ARF5: variants seen among roughly 807,000 people sequenced by gnomAD.
ARF5 encodes ARF GTPase 5, also known as ADP-ribosylation factor 5.
In ARF5, 10 loss-of-function variants were observed where a neutral mutation model predicts 24.8. The observed-to-expected ratio is 0.40, with a 90% CI of 0.25 to 0.68. The LOEUF (loss-of-function observed/expected upper bound fraction) is 0.68. Ranked by LOEUF, ARF5 falls within the 30% of genes least tolerant of loss-of-function variation. The probability of loss-of-function intolerance (pLI) is 0.36; values close to 1 mark genes in which losing one functional copy is unlikely to be tolerated. For synonymous variants in ARF5, 102 were observed against 95.1 expected (o/e 1.07, Z -0.42); for missense variants, 135 against 239.2 (o/e 0.56, Z 2.87).
intron 1 of ARF5, 54 bp from the exon 2 acceptor site, chr7:127,589,029 C>G (rs1019377294): frequency 4.1e-5 from 66 of 1,595,966 alleles, no homozygotes; most frequent in Middle Eastern, 1.7e-4. Context: ...TTTCCCTGGT[C>G]TCTAGGGGGC....
chr7:127,590,831 A>C, intron 4 of ARF5, 132 bp from the exon 5 acceptor site: 3 of 1,224,038 alleles, frequency 2.5e-6, no homozygotes, highest in Non-Finnish European at 3.4e-6. Context: ...ATTTACAACT[A>C]TGTCTTGTCT....
At chr7:127,590,168 C>G in intron 4 of ARF5, 31 bp downstream of exon 4, 1 of 1,589,398 alleles carries the variant, frequency 6.3e-7, no homozygotes, top group African/African-American at 1.3e-5. Context: ...GAACTGAGCC[C>G]TCAGCTTGGG....
In ARF5 at chr7:127,589,677, C is replaced by A. The variant is rs979404198; in HGVS notation, c.258+83C>A. On this transcript the variant is annotated intron_variant, in intron 3 of 5. Transcript: ENST00000000233. ...AACAGAATTGTTGGCCTAGGCTGGG[C>A]CCCCAGGCCAAGGAAAAAACCCTTC... 10 of 1,165,008 alleles carry A rather than the reference C, an allele frequency of 8.6e-6. No individual in the cohort carries two copies. The African/African-American group carries it at 1.1e-4, about 13-fold the overall frequency. 72.2% of individuals were successfully genotyped at this position (1,165,008 alleles called of 1,614,324 possible).
chr7:127,588,518 C>T lies in ARF5; in HGVS notation c.20C>T (p.Ala7Val), dbSNP rs759843060. 6.8e-7 allele frequency: 1 copy of T among 1,469,004 alleles called. No homozygotes were observed. The highest frequency in any genetic ancestry group is 9.1e-7 in the Non-Finnish European group (1 of 1,100,210). 91.0% of individuals were successfully genotyped at this position (1,469,004 alleles called of 1,614,324 possible). The change falls in exon 1 of 6, where the codon GCG becomes GTG. Residue 7 changes from alanine to valine, a missense_variant. By Grantham distance (64) the Ala-to-Val change is moderately conservative. Around this residue, in one of 3 missense-constraint regions of ARF5, gnomAD observed 25 missense variants for 30.6 expected, o/e 0.82. Transcript: ENST00000000233. Reference sequence around the variant, plus strand: ...CCCGCCATGGGCCTCACCGTGTCCGCGCTCTTTTCGCGGATCTTCGGGAAG... The same window carrying T: ...CCCGCCATGGGCCTCACCGTGTCCGTGCTCTTTTCGCGGATCTTCGGGAAG... MGLTVS[A>V]LFSRIFGKKQ...
rs1004133152 is a variant in ARF5, at chr7:127,589,648, G to A, written c.258+54G>A. 12 of 1,431,786 alleles carry A rather than the reference G, an allele frequency of 8.4e-6. No individual in the cohort carries two copies. The African/African-American group carries it at 1.4e-4, about 17-fold the overall frequency. The allele number at this position is 1,431,786 out of a possible 1,614,324, so 88.7% of individuals were successfully genotyped here. ...CCCACGGGAAAAGGTGTTAGGGCTGGGAGAACAGAATTGTTGGCCTAGGCT... is the reference window on the plus strand; with the variant it reads ...CCCACGGGAAAAGGTGTTAGGGCTGAGAGAACAGAATTGTTGGCCTAGGCT... On this transcript the variant is annotated intron_variant, in intron 3 of 5. Transcript: ENST00000000233.
At position 127,591,207 on chromosome 7, in the gene ARF5, C is replaced by T. The variant is rs531878415; in HGVS notation, c.457-6C>T. ...TGCTGACCTCTTTCTTTCCTTTTCC[C>T]CACAGTGGTATGTCCAGGCCACCTG... On this transcript the variant is annotated splice_polypyrimidine_tract_variant and splice_region_variant and intron_variant, in intron 5 of 5. Coordinates refer to ENST00000000233, the MANE Select transcript of ARF5 (RefSeq NM_001662.4). The T allele has an allele frequency of 1.2e-6, 2 of 1,607,554 alleles. No homozygotes were observed. Among genetic ancestry groups the T allele is most frequent in the African/African-American group, 1.3e-5 (1 of 74,494 alleles).
At chr7:127,589,435 G>A in intron 2 of ARF5, 50 bp from the exon 3 acceptor site, 1 of 1,464,708 alleles carries the variant, frequency 6.8e-7, no homozygotes, top group Admixed American at 1.7e-5. Context: ...GTTTTAGTGA[G>A]TTCCTTTCTT....
At chr7:127,588,611 G>GCGCAGCCCTTCCGCCCCCGC (rs1794239227) in intron 1 of ARF5, 46 bp downstream of exon 1, 1 of 1,301,704 alleles carries the variant, frequency 7.7e-7, no homozygotes, top group Non-Finnish European at 9.9e-7. Flanking sequence ...GCCGGCCCCG[G>GCGCAGCCCTTCCGCCCCCGC]CGCAGCCCTT....
rs924973215 is a variant in ARF5, at chr7:127,591,379, A to G, written c.*80A>G. On this transcript the variant is annotated 3_prime_UTR_variant, in exon 6 of 6. Transcript: ENST00000000233. ...GACCAGACTCCCGGACTCCTCAGGC[A>G]GTGCCCTTTCCTCCCACTTTTCCTC... 3.1e-6 allele frequency: 4 copies of G among 1,282,784 alleles called. No homozygotes were observed. The South Asian group carries it at 4.5e-5, about 15-fold the overall frequency. 79.5% of individuals were successfully genotyped at this position (1,282,784 alleles called of 1,614,324 possible).
rs566998061 is a variant in ARF5, at chr7:127,591,375, A to G, written c.*76A>G. 7.6e-7 allele frequency: 1 copy of G among 1,307,824 alleles called. No individual in the cohort carries two copies. Among genetic ancestry groups the G allele is most frequent in the South Asian group, 1.5e-5 (1 of 67,140 alleles). The allele number at this position is 1,307,824 out of a possible 1,614,324, so 81.0% of individuals were successfully genotyped here. A position where few individuals can be genotyped will look rare whatever the true frequency, so the allele number is the denominator to read the frequency against. ...GGATGACCAGACTCCCGGACTCCTC[A>G]GGCAGTGCCCTTTCCTCCCACTTTT... is the stretch of plus-strand genomic sequence containing the variant. On this transcript the variant is annotated 3_prime_UTR_variant, in exon 6 of 6. Coordinates refer to ENST00000000233, the MANE Select transcript of ARF5 (RefSeq NM_001662.4).
intron 3 of ARF5, 80 bp downstream of exon 3, chr7:127,589,674 G>A: frequency 8.3e-7 from 1 of 1,200,758 alleles, no homozygotes; most frequent in South Asian, 1.3e-5. Context: ...GGCCTAGGCT[G>A]GGCCCCCAGG....
intron 3 of ARF5, 21 bp from the exon 4 acceptor site, chr7:127,590,045 T>C (rs977424794): frequency 6.2e-7 from 1 of 1,611,046 alleles, no homozygotes. Flanking sequence ...GCTTCTCCTT[T>C]CTTCCTTCCT....
intron 3 of ARF5, 85 bp downstream of exon 3, chr7:127,589,679 C>G: frequency 3.4e-6 from 4 of 1,166,138 alleles, no homozygotes; most frequent in Non-Finnish European, 5.0e-6. Flanking sequence ...AGGCTGGGCC[C>G]CCAGGCCAAG....
At chr7:127,588,996 C>T (rs1794245493) in intron 1 of ARF5, 87 bp from the exon 2 acceptor site, 2 of 1,463,008 alleles carry the variant, frequency 1.4e-6, no homozygotes, top group Non-Finnish European at 1.9e-6. Context: ...CCCCAGTCAC[C>T]ATCAGCTGTT....
intron 5 of ARF5, 58 bp from the exon 6 acceptor site, chr7:127,591,155 T>G: frequency 6.2e-7 from 1 of 1,608,658 alleles, no homozygotes; most frequent in Admixed American, 1.7e-5. Context: ...GGGACAGAGA[T>G]ATAAAGGCAT....
Position 127,588,517 on chromosome 7 carries a change from G to C in ARF5, c.19G>C (p.Ala7Pro). Reference protein sequence around the residue: MGLTVSALFSRIFGKKQ... With the variant: MGLTVSPLFSRIFGKKQ... ...CCCCGCCATGGGCCTCACCGTGTCCGCGCTCTTTTCGCGGATCTTCGGGAA... is the reference window on the plus strand; with the variant it reads ...CCCCGCCATGGGCCTCACCGTGTCCCCGCTCTTTTCGCGGATCTTCGGGAA... The change falls in exon 1 of 6, where the codon GCG (alanine) becomes CCG (proline). Residue 7 changes from alanine (A) to proline (P), a missense_variant. Ala to Pro is a conservative substitution (Grantham distance 27). Coordinates refer to ENST00000000233, the MANE Select transcript of ARF5 (RefSeq NM_001662.4). 6.8e-7 allele frequency: 1 copy of C among 1,467,034 alleles called. No individual in the cohort carries two copies. Among genetic ancestry groups the C allele is most frequent in the Non-Finnish European group, 9.1e-7 (1 of 1,098,974 alleles). 90.9% of individuals were successfully genotyped at this position (1,467,034 alleles called of 1,614,324 possible).
rs747475395 is a variant in ARF5 at position 127,590,113 on chromosome 7, A to G, written c.306A>G (p.Glu102=). Residue 102 remains glutamate (E), a synonymous_variant, in exon 4 of 6, where the codon GAA becomes GAG. Coordinates refer to ENST00000000233, the MANE Select transcript of ARF5 (RefSeq NM_001662.4). The part of the protein sequence containing the change: ...VDSNDRERVQ[E]SADELQKMLQ... The stretch of plus-strand genomic sequence containing the variant: ...GTAATGACCGGGAGCGGGTCCAAGA[A>G]TCTGCTGATGAACTCCAGAAGATGG... 2 of 1,613,856 alleles carry G rather than the reference A, an allele frequency of 1.2e-6. No homozygotes were observed. The highest frequency in any genetic ancestry group is 8.5e-7 in the Non-Finnish European group (1 of 1,179,962).
intron 1 of ARF5, 107 bp from the exon 2 acceptor site, chr7:127,588,976 C>T (rs1482826234): frequency 2.4e-5 from 33 of 1,348,326 alleles, no homozygotes; most frequent in Non-Finnish European, 3.5e-5. Flanking sequence ...GGAGGCGCTC[C>T]CGCTCTCCGC....
chr7:127,590,762 C>T (rs1794274687), intron 4 of ARF5, among the ~76,000 whole-genome samples: 1 of 152,272 alleles, frequency 6.6e-6, no homozygotes, highest in South Asian at 2.1e-4. Flanking sequence ...TAGGCAAGTA[C>T]TCAAATTAGG....
Sources: gnomAD v4.1 joint callset for allele counts (sites outside exome capture counted in the v4.1 genomes callset) on GRCh38, gnomAD v4.1.1 for gene constraint, gnomAD v4.1.1 regional missense constraint, MANE v1.5 for transcripts, NCBI Gene and HGNC (gene_info 2026-07-23, HGNC 2026-07-21) for gene names.